GABBR2: variants seen among roughly 807,000 people sequenced by gnomAD.
GABBR2 encodes the protein gamma-aminobutyric acid type B receptor subunit 2.
In GABBR2, 23 loss-of-function variants were observed where a neutral mutation model predicts 105.6. The ratio of observed to expected loss-of-function variants is 0.22; its 90% CI spans 0.16 to 0.31. The LOEUF is 0.31. Ranked by LOEUF, GABBR2 falls within the 10% of genes least tolerant of loss-of-function variation. GABBR2 has a pLI of 1.00. For missense variants in GABBR2, 734 were observed against 1,245.5 expected (o/e 0.59, Z 6.18); for synonymous variants, 478 against 499.7 (o/e 0.96, Z 0.58).
chr9:98,418,086 G>C (rs1382065479), intron 7 of GABBR2, among the ~76,000 whole-genome samples: 1 of 152,172 alleles, frequency 6.6e-6, no homozygotes, highest in Non-Finnish European at 1.5e-5. Context: ...GGCCACAAAA[G>C]GGGTGTTGGC....
At chr9:98,374,110 C>T (rs563741809) in intron 11 of GABBR2, among the ~76,000 whole-genome samples, 7 of 152,172 alleles carry the variant, frequency 4.6e-5, no homozygotes, top group South Asian at 2.1e-4. Flanking sequence ...CCTCCTGCCT[C>T]GGCCTCTCAA....
Position 98,473,177 on chromosome 9 carries a change from C to A in GABBR2, c.968G>T (p.Ser323Ile). 6.2e-7 allele frequency: 1 copy of A among 1,613,714 alleles called. No homozygotes were observed. Among genetic ancestry groups the A allele is most frequent in the Non-Finnish European group, 8.5e-7 (1 of 1,179,896 alleles). The change falls in exon 6 of 19, where the codon AGC becomes ATC. Residue 323 changes from serine (S) to isoleucine (I), a missense_variant. Physicochemically the swap from Ser to Ile is moderately radical, Grantham distance 142. Coordinates refer to ENST00000259455, the MANE Select transcript of GABBR2 (RefSeq NM_005458.8). ...GYIGVDFEPL[S>I]SKQIKTISGK... ...TGAGATGGTCTTGATCTGCTTGGAG[C>A]TCAGGGGCTCGAAATCCACGCCAAT...
chr9:98,386,117 T>TG (rs1832067755), intron 10 of GABBR2, among the ~76,000 whole-genome samples: 1 of 152,180 alleles, frequency 6.6e-6, no homozygotes, highest in Non-Finnish European at 1.5e-5. Context: ...CTGCCTCCTT[T>TG]GTCAAGTTCA....
chr9:98,566,061 A>G (rs1170135998), intron 2 of GABBR2, among the ~76,000 whole-genome samples: 1 of 152,188 alleles, frequency 6.6e-6, no homozygotes, highest in Non-Finnish European at 1.5e-5. Context: ...AGAATCACCC[A>G]GGGTGCTAAC....
At position 98,454,316 on chromosome 9, in the gene GABBR2, G is replaced by T. The variant is rs1186074686; in HGVS notation, c.1000-99C>A. On this transcript the variant is annotated intron_variant, in intron 6 of 18. Coordinates refer to ENST00000259455, the MANE Select transcript of GABBR2 (RefSeq NM_005458.8). The surrounding 1 kb of genome is among the most constrained non-coding windows in gnomAD (Gnocchi z 4.6). ...GCTGCTATTCTTCAATGCCCACAGG[G>T]TGCCAGGTACAGTGCTAGATTCTAC... The T allele has an allele frequency of 2.5e-6, 2 of 811,386 alleles. No homozygotes were observed. Among genetic ancestry groups the T allele is most frequent in the African/African-American group, 3.3e-5 (2 of 59,836 alleles). The allele number at this position is 811,386 out of a possible 1,614,324, so 50.3% of individuals were successfully genotyped here.
chr9:98,476,307 T>G (rs1015633499), intron 5 of GABBR2, among the ~76,000 whole-genome samples: 2 of 152,224 alleles, frequency 1.3e-5, no homozygotes, highest in African/African-American at 4.8e-5. Context: ...AGAAGCTTAT[T>G]CCATTTGAAT....
chr9:98,351,239 T>C (rs748254496), intron 13 of GABBR2, among the ~76,000 whole-genome samples: 26 of 152,204 alleles, frequency 1.7e-4, no homozygotes, highest in Non-Finnish European at 3.1e-4. Flanking sequence ...ACATTCAATG[T>C]TGTTATTGAT....
chr9:98,308,665 C>A (rs751127471), intron 14 of GABBR2, among the ~76,000 whole-genome samples: 10 of 152,126 alleles, frequency 6.6e-5, no homozygotes, highest in Non-Finnish European at 1.3e-4. Flanking sequence ...AAACTAGAGT[C>A]ATGCGGTCAC....
intron 2 of GABBR2, among the ~76,000 whole-genome samples, chr9:98,572,892 C>T (rs1048066423): frequency 3.9e-5 from 6 of 152,228 alleles, no homozygotes; most frequent in South Asian, 2.1e-4. Flanking sequence ...CGTCCAGTTG[C>T]AGCCGTTGAT....
At chr9:98,584,329 G>T (rs1028083214) in intron 1 of GABBR2, among the ~76,000 whole-genome samples, 2 of 152,142 alleles carry the variant, frequency 1.3e-5, no homozygotes, top group Admixed American at 1.3e-4. Context: ...CACATAGTAG[G>T]TGCTCAATAA....
At chr9:98,575,270 G>C (rs577637824) in intron 2 of GABBR2, among the ~76,000 whole-genome samples, 1 of 152,266 alleles carries the variant, frequency 6.6e-6, no homozygotes, top group Admixed American at 6.5e-5. Context: ...TTTAAGCTGG[G>C]TCTTAAAGAA....
chr9:98,550,261 C>A (rs751652577), intron 2 of GABBR2, among the ~76,000 whole-genome samples: 1 of 152,100 alleles, frequency 6.6e-6, no homozygotes, highest in African/African-American at 2.4e-5. Context: ...ACTTGCCCAA[C>A]AAAGCAAATT....
At chr9:98,444,324 G>C (rs1052002104) in intron 7 of GABBR2, among the ~76,000 whole-genome samples, 1 of 152,134 alleles carries the variant, frequency 6.6e-6, no homozygotes, top group Non-Finnish European at 1.5e-5. Flanking sequence ...GGAGGGAGTT[G>C]CAATTTAAAG....
intron 2 of GABBR2, among the ~76,000 whole-genome samples, chr9:98,546,209 A>G (rs543130722): frequency 6.6e-6 from 1 of 152,360 alleles, no homozygotes; most frequent in South Asian, 2.1e-4. Context: ...GTCATAAGCT[A>G]TAGAATTCTT....
rs1827967489 is a variant in GABBR2 at position 98,526,615 on chromosome 9, C to T, written c.630+15258G>A. 2.6e-5 allele frequency among the ~76,000 whole-genome samples: 4 copies of T among 152,070 alleles called. No homozygotes were observed. The South Asian group carries it at 8.3e-4, about 32-fold the overall frequency. On this transcript the variant is annotated intron_variant, in intron 3 of 18. Transcript: ENST00000259455. ...TTATTTTTTTAAATCATTTGTTTCC[C>T]CCACTAGAATGTAAGCTCCTTGAGG...
intron 12 of GABBR2, among the ~76,000 whole-genome samples, chr9:98,369,151 G>T (rs1320741710): frequency 6.6e-6 from 1 of 152,220 alleles, no homozygotes; most frequent in Non-Finnish European, 1.5e-5. Context: ...AGGAACACTG[G>T]GGTGGCCAGG....
chr9:98,307,705 G>GAAT (rs140318224), intron 14 of GABBR2, among the ~76,000 whole-genome samples: 13 of 151,716 alleles, frequency 8.6e-5, no homozygotes, highest in Non-Finnish European at 1.5e-4. Flanking sequence ...TGTGGACTGG[G>GAAT]AATAATAATA....
chr9:98,545,510 A>G (rs1828380814), intron 2 of GABBR2, among the ~76,000 whole-genome samples: 1 of 152,116 alleles, frequency 6.6e-6, no homozygotes, highest in Non-Finnish European at 1.5e-5. Flanking sequence ...GGCACACTGG[A>G]GTTATTTGGG....
chr9:98,450,916 G>A (rs1219719168), intron 7 of GABBR2, among the ~76,000 whole-genome samples: 1 of 152,146 alleles, frequency 6.6e-6, no homozygotes, highest in Non-Finnish European at 1.5e-5. Context: ...GATCTATCAG[G>A]CACCTAGGCA....
Sources: gnomAD v4.1 joint callset for allele counts (sites outside exome capture counted in the v4.1 genomes callset) on GRCh38, gnomAD v4.1.1 for gene constraint, Gnocchi (gnomAD v3.1) non-coding constraint, MANE v1.5 for transcripts, NCBI Gene and HGNC (gene_info 2026-07-23, HGNC 2026-07-21) for gene names.